Variants in ARRDC5 observed in about 807,000 individuals in gnomAD.
The protein encoded by ARRDC5 is arrestin domain containing 5.
A neutral mutation model predicts 13.3 loss-of-function variants in ARRDC5; 12 were observed. That is an observed-to-expected ratio of 0.90 (90% CI 0.58 to 1.46). The LOEUF (loss-of-function observed/expected upper bound fraction) is 1.46. Ranked by LOEUF, ARRDC5 falls within the 40% of genes most tolerant of loss-of-function variation. The probability of loss-of-function intolerance (pLI) is 0.00; values close to 1 mark genes in which losing one functional copy is unlikely to be tolerated. For synonymous variants in ARRDC5, 181 were observed against 173.4 expected, an observed-to-expected ratio of 1.04 and a Z score of -0.34; for missense variants, 406 against 418.7, an observed-to-expected ratio of 0.97 and a Z score of 0.26.
chr19:4,897,268 G>C (rs4807662), intron 1 of ARRDC5, among the ~76,000 whole-genome samples: 18,995 of 151,838 alleles, frequency 0.13, 1,763 homozygotes, highest in African/African-American at 0.27. Flanking sequence ...TTTTTTGCTT[G>C]ATTTATTGTT....
intron 2 of ARRDC5, among the ~76,000 whole-genome samples, chr19:4,894,617 G>C (rs2031644941): frequency 1.3e-5 from 2 of 149,520 alleles, no homozygotes; most frequent in African/African-American, 4.9e-5. Context: ...CTGGGAGGCA[G>C]AGCTTGCAGT....
At chr19:4,897,522 T>C (rs192603002) in intron 1 of ARRDC5, among the ~76,000 whole-genome samples, 1 of 152,222 alleles carries the variant, frequency 6.6e-6, no homozygotes, top group African/African-American at 2.4e-5. Context: ...TATATCTTTT[T>C]TTTTCTTTTT....
the ARRDC5 span, among the ~76,000 whole-genome samples, chr19:4,915,912 CAG>C: frequency 3.7e-4 from 56 of 152,218 alleles, no homozygotes; most frequent in African/African-American, 1.3e-3. Context: ...CTTTCCAGGT[CAG>C]GGGTTCTCAA....
chr19:4,900,232 C>A (rs1197392484), intron 1 of ARRDC5, among the ~76,000 whole-genome samples: 1 of 149,446 alleles, frequency 6.7e-6, no homozygotes, highest in Admixed American at 6.7e-5. Context: ...ACCGCAAGCT[C>A]CGCCTCCCGG....
chr19:4,908,773 C>T, the ARRDC5 span, among the ~76,000 whole-genome samples: 1 of 152,176 alleles, frequency 6.6e-6, no homozygotes, highest in Non-Finnish European at 1.5e-5. Context: ...TAGGAATTTT[C>T]CCTCCCTGAG....
chr19:4,916,003 C>T, the ARRDC5 span, among the ~76,000 whole-genome samples: 4 of 152,192 alleles, frequency 2.6e-5, no homozygotes, highest in East Asian at 1.9e-4. Context: ...TTATGTCTGC[C>T]GGCTGTTAGT....
rs1363798898 is a variant in ARRDC5 at position 4,896,353 on chromosome 19, TTTTTTTTTACAC to T, written c.459+306_459+317del. The stretch of plus-strand genomic sequence containing the variant: ...AAATATATATATATATATATATTTT[TTTTTTTTTACAC>T]ACACACACACACACACACACACACA... On this transcript the variant is annotated intron_variant, in intron 2 of 2. Transcript: ENST00000650722. Among the ~76,000 whole-genome samples the T allele has an allele frequency of 3.1e-4, 26 of 85,108 alleles. 1 individual carries two copies. The South Asian group carries it at 4.5e-3, about 15-fold the overall frequency. The allele number at this position is 85,108 out of a possible 152,430, so 55.8% of individuals were successfully genotyped here.
At chr19:4,893,964 C>T (rs374735486) in intron 2 of ARRDC5, among the ~76,000 whole-genome samples, 9 of 148,416 alleles carry the variant, frequency 6.1e-5, no homozygotes, top group East Asian at 2.0e-4. Flanking sequence ...AGGAGAATGG[C>T]GTGAACCCAG....
chr19:4,904,230 G>T (rs2032014329), upstream of ARRDC5, among the ~76,000 whole-genome samples: 1 of 152,024 alleles, frequency 6.6e-6, no homozygotes, highest in Admixed American at 6.6e-5. Context: ...CCAGGCTGGA[G>T]TGCAGTGGTG....
At chr19:4,894,982 G>A (rs947620421) in intron 2 of ARRDC5, among the ~76,000 whole-genome samples, 1 of 152,078 alleles carries the variant, frequency 6.6e-6, no homozygotes, top group Non-Finnish European at 1.5e-5. Context: ...CGTAGCATGC[G>A]TTAGGACCCT....
chr19:4,914,566 G>A, the ARRDC5 span, among the ~76,000 whole-genome samples: 1 of 152,140 alleles, frequency 6.6e-6, no homozygotes, highest in African/African-American at 2.4e-5. Context: ...TGATGGGCGG[G>A]AACGCAGGGA....
rs377701286 is a variant in ARRDC5, at chr19:4,891,265, G to A, written c.768C>T (p.Thr256=). 1.2e-6 allele frequency: 2 copies of A among 1,613,952 alleles called. No individual in the cohort carries two copies. The highest frequency in any genetic ancestry group is 8.5e-7 in the Non-Finnish European group (1 of 1,179,890). ...CGGACAGCAGCAACGGCAGGTTGAA[G>A]GTGCTGACAACCTTGGTGGTGTTGA... ...TRFNTTKVVS[T]FNLPLLLSVS... Residue 256 remains threonine (T), a synonymous_variant, in exon 3 of 3, where the codon ACC becomes ACT. Transcript: ENST00000650722.
At chr19:4,894,694 AAGAAGAAGAAGGAG>A (rs1381342816) in intron 2 of ARRDC5, among the ~76,000 whole-genome samples, 1 of 137,660 alleles carries the variant, frequency 7.3e-6, no homozygotes, top group Non-Finnish European at 1.6e-5. Context: ...AAAAAAAAAA[AAGAAGAAGAAGGAG>A]AAGGAGAAGG....
intron 2 of ARRDC5, among the ~76,000 whole-genome samples, chr19:4,896,042 T>C (rs1217717801): frequency 6.6e-6 from 1 of 152,122 alleles, no homozygotes; most frequent in Admixed American, 6.6e-5. Flanking sequence ...TGGCCTGGCA[T>C]GGTGGCTCAC....
chr19:4,896,348 A>ATATATTT (rs1407717173), intron 2 of ARRDC5, among the ~76,000 whole-genome samples: 5 of 59,590 alleles, frequency 8.4e-5, no homozygotes, highest in African/African-American at 3.2e-4. Context: ...ATATATATAT[A>ATATATTT]TTTTTTTTTT....
At chr19:4,913,400 C>T in the ARRDC5 span, among the ~76,000 whole-genome samples, 1 of 151,410 alleles carries the variant, frequency 6.6e-6, no homozygotes, top group Non-Finnish European at 1.5e-5. Context: ...ATTACAGTCA[C>T]CCACCACCAC....
the ARRDC5 span, among the ~76,000 whole-genome samples, chr19:4,911,936 T>A: frequency 1.8e-4 from 27 of 152,156 alleles, 1 homozygote; most frequent in Non-Finnish European, 2.6e-4. Context: ...TGTGTTGTTG[T>A]TGGATTTTGA....
At chr19:4,896,953 AT>A in intron 1 of ARRDC5, 77 bp from the exon 2 acceptor site, 2 of 1,020,974 alleles carry the variant, frequency 2.0e-6, no homozygotes, top group Non-Finnish European at 2.9e-6. Context: ...TTTTTGCTTT[AT>A]TTTTATATTT....
chr19:4,909,993 C>T, the ARRDC5 span, among the ~76,000 whole-genome samples: 2 of 150,890 alleles, frequency 1.3e-5, no homozygotes, highest in Non-Finnish European at 3.0e-5. Flanking sequence ...ATTTCGCGCG[C>T]CCTGAGTTCC....
Sources: allele counts gnomAD v4.1 joint callset (sites outside exome capture counted in the v4.1 genomes callset), GRCh38; gene constraint gnomAD v4.1.1; transcripts MANE v1.5; gene names NCBI Gene and HGNC (gene_info 2026-07-23, HGNC 2026-07-21).